ACSS3: variants seen among roughly 807,000 people sequenced by gnomAD.
The protein encoded by ACSS3 is acyl-CoA synthetase short chain family member 3.
In ACSS3, 64 loss-of-function variants were observed where a neutral mutation model predicts 84.2. That is an observed-to-expected ratio of 0.76 (90% CI 0.62 to 0.94). The LOEUF is 0.94. ACSS3 is among the 40% of genes least tolerant of loss of function. The pLI is 0.00. For missense variants in ACSS3, 815 were observed against 867.6 expected, an observed-to-expected ratio of 0.94 and a Z score of 0.76; for synonymous variants, 317 against 310.1, an observed-to-expected ratio of 1.02 and a Z score of -0.23.
At chr12:81,112,683 G>T (rs759569805) in intron 2 of ACSS3, among the ~76,000 whole-genome samples, 3 of 152,030 alleles carry the variant, frequency 2.0e-5, no homozygotes, top group Non-Finnish European at 4.4e-5. Flanking sequence ...GATTCCCTGC[G>T]GCCTTTATTT....
At chr12:81,199,263 C>A (rs2031989638) in intron 8 of ACSS3, 78 bp from the exon 9 acceptor site, 1 of 1,276,514 alleles carries the variant, frequency 7.8e-7, no homozygotes, top group Non-Finnish European at 1.1e-6. Flanking sequence ...GTGTGGTTAA[C>A]CAATGTTTTT....
At chr12:81,196,817 T>C (rs1012226040) in intron 8 of ACSS3, among the ~76,000 whole-genome samples, 1 of 152,134 alleles carries the variant, frequency 6.6e-6, no homozygotes, top group South Asian at 2.1e-4. Context: ...AAACCAGCTG[T>C]CATGCGAATA....
intron 1 of ACSS3, among the ~76,000 whole-genome samples, chr12:81,080,643 T>G (rs141851606): frequency 6.6e-6 from 1 of 152,158 alleles, no homozygotes; most frequent in African/African-American, 2.4e-5. Flanking sequence ...TAGTTTCAAT[T>G]TGAATCTATG....
chr12:81,190,878 T>C (rs559857616), intron 8 of ACSS3, among the ~76,000 whole-genome samples: 5 of 152,096 alleles, frequency 3.3e-5, no homozygotes, highest in African/African-American at 7.2e-5. Flanking sequence ...TAGGAGTTAA[T>C]GTGGTGAATT....
chr12:81,251,668 CA>C (rs71098134), intron 13 of ACSS3, among the ~76,000 whole-genome samples: 2,602 of 87,824 alleles, frequency 0.03, 93 homozygotes, highest in African/African-American at 0.092. Flanking sequence ...CCCATCTCTA[CA>C]AAAAAAAAAA....
At chr12:81,254,643 C>T (rs1039021841) in intron 15 of ACSS3, among the ~76,000 whole-genome samples, 57 of 152,096 alleles carry the variant, frequency 3.7e-4, no homozygotes, top group African/African-American at 1.4e-3. Flanking sequence ...CCATCTAGGT[C>T]CAATAGTTTT....
At chr12:81,194,491 C>G (rs564274836) in intron 8 of ACSS3, among the ~76,000 whole-genome samples, 1 of 151,950 alleles carries the variant, frequency 6.6e-6, no homozygotes, top group Admixed American at 6.5e-5. Flanking sequence ...TTCTAAACCA[C>G]TAATGATCTC....
At chr12:81,119,825 C>T (rs1414578133) in intron 2 of ACSS3, among the ~76,000 whole-genome samples, 4 of 152,180 alleles carry the variant, frequency 2.6e-5, no homozygotes, top group African/African-American at 9.7e-5. Context: ...ACAGTTAACA[C>T]AATCATCACA....
chr12:81,126,682 A>C (rs1384944551), intron 2 of ACSS3, among the ~76,000 whole-genome samples: 1 of 152,210 alleles, frequency 6.6e-6, no homozygotes, highest in African/African-American at 2.4e-5. Flanking sequence ...TGAAAATCAC[A>C]GTAGTCTTGA....
At chr12:81,158,871 G>T (rs746991985) in intron 7 of ACSS3, among the ~76,000 whole-genome samples, 1 of 151,932 alleles carries the variant, frequency 6.6e-6, no homozygotes, top group Non-Finnish European at 1.5e-5. Flanking sequence ...TAGTCTTTAG[G>T]CTCCTTTGAT....
chr12:81,085,405 C>T (rs1056600788), intron 1 of ACSS3, among the ~76,000 whole-genome samples: 22 of 152,148 alleles, frequency 1.4e-4, no homozygotes, highest in African/African-American at 4.6e-4. Flanking sequence ...TTGTTGAGTC[C>T]TTTCTCTGAA....
intron 11 of ACSS3, among the ~76,000 whole-genome samples, chr12:81,224,365 A>G (rs2033202309): frequency 6.6e-6 from 1 of 151,878 alleles, no homozygotes; most frequent in Non-Finnish European, 1.5e-5. Context: ...CCTTCACTTA[A>G]TGTGTAATAA....
chr12:81,243,238 A>G (rs1273734427), intron 13 of ACSS3, among the ~76,000 whole-genome samples: 2 of 152,316 alleles, frequency 1.3e-5, no homozygotes, highest in South Asian at 4.1e-4. Flanking sequence ...GAGCCAAATC[A>G]TGAGTGAACT....
intron 13 of ACSS3, among the ~76,000 whole-genome samples, chr12:81,252,529 T>C (rs1247482291): frequency 2.0e-5 from 3 of 152,040 alleles, no homozygotes; most frequent in African/African-American, 7.2e-5. Context: ...ATAATGATTA[T>C]TGGGGTCACC....
At chr12:81,188,557 C>G (rs1464410995) in intron 8 of ACSS3, among the ~76,000 whole-genome samples, 1 of 152,048 alleles carries the variant, frequency 6.6e-6, no homozygotes, top group African/African-American at 2.4e-5. Flanking sequence ...CTTATCCTGA[C>G]CTGTATCACT....
At chr12:81,081,108 T>G (rs1283924189) in intron 1 of ACSS3, among the ~76,000 whole-genome samples, 4 of 152,210 alleles carry the variant, frequency 2.6e-5, no homozygotes, top group African/African-American at 9.7e-5. Context: ...GTCTGTTTGT[T>G]GTTCACAAAA....
chr12:81,211,269 T>A (rs2135927086), intron 9 of ACSS3, among the ~76,000 whole-genome samples: 1 of 151,622 alleles, frequency 6.6e-6, no homozygotes, highest in Non-Finnish European at 1.5e-5. Flanking sequence ...CAGGAGCCTC[T>A]TTTTTTTTAA....
intron 2 of ACSS3, among the ~76,000 whole-genome samples, chr12:81,122,051 G>T (rs1175967147): frequency 1.3e-5 from 2 of 151,674 alleles, no homozygotes; most frequent in African/African-American, 2.4e-5. Context: ...TCCTGCCTCA[G>T]CCTCCAGAGT....
At chr12:81,109,049 C>G (rs1883334619) in intron 1 of ACSS3, among the ~76,000 whole-genome samples, 1 of 152,158 alleles carries the variant, frequency 6.6e-6, no homozygotes, top group Non-Finnish European at 1.5e-5. Context: ...AAGAGCTTAT[C>G]TATTCTTTGT....
Sources: allele counts gnomAD v4.1 joint callset (sites outside exome capture counted in the v4.1 genomes callset), GRCh38; gene constraint gnomAD v4.1.1; transcripts MANE v1.5; gene names NCBI Gene and HGNC (gene_info 2026-07-23, HGNC 2026-07-21).